The following PTPRT variants were observed in gnomAD, a reference collection of about 807,000 sequenced individuals.
PTPRT encodes receptor-type tyrosine-protein phosphatase T.
PTPRT carries 56 observed loss-of-function variants against 176.8 expected under a neutral mutation model. The ratio of observed to expected loss-of-function variants is 0.32; its 90% CI spans 0.26 to 0.40. PTPRT has a LOEUF of 0.40. Ranked by LOEUF, PTPRT falls within the 10% of genes least tolerant of loss-of-function variation. The pLI, the probability that PTPRT is intolerant of heterozygous loss-of-function variation, is 1.00. For synonymous variants in PTPRT, 783 were observed against 739.0 expected (o/e 1.06, Z -0.96); for missense variants, 1,540 against 1,908.2 (o/e 0.81, Z 3.60).
chr20:42,291,446 T>C (rs139739989), intron 12 of PTPRT, among the ~76,000 whole-genome samples: 5 of 152,140 alleles, frequency 3.3e-5, no homozygotes, highest in African/African-American at 1.2e-4. Flanking sequence ...ATGTATTTAC[T>C]TGGTGAAAAA....
chr20:43,025,349 A>C (rs905020784), intron 1 of PTPRT, among the ~76,000 whole-genome samples: 4 of 152,258 alleles, frequency 2.6e-5, no homozygotes, highest in African/African-American at 9.6e-5. Flanking sequence ...AAGTTCAGTA[A>C]GTCAGGGAAA....
intron 9 of PTPRT, among the ~76,000 whole-genome samples, chr20:42,361,616 A>C (rs1341891591): frequency 1.3e-5 from 2 of 152,284 alleles, no homozygotes; most frequent in Admixed American, 1.3e-4. Flanking sequence ...CGCAGGGTGC[A>C]TGACAGTCCC....
chr20:42,252,948 G>T (rs1229791710), intron 13 of PTPRT, among the ~76,000 whole-genome samples: 1 of 152,202 alleles, frequency 6.6e-6, no homozygotes, highest in African/African-American at 2.4e-5. Flanking sequence ...AACATTCCCT[G>T]GGACAGGGAA....
chr20:42,451,314 T>C (rs1417009626), intron 8 of PTPRT, among the ~76,000 whole-genome samples: 2 of 152,104 alleles, frequency 1.3e-5, no homozygotes, highest in African/African-American at 4.8e-5. Context: ...ATGTTGTTTA[T>C]AGAGAGGGAG....
chr20:42,395,837 G>C (rs1170239040), intron 9 of PTPRT, among the ~76,000 whole-genome samples: 1 of 151,856 alleles, frequency 6.6e-6, no homozygotes, highest in African/African-American at 2.4e-5. Context: ...TACTTCATTG[G>C]CTGATACTTC....
Position 42,906,900 on chromosome 20 carries a change from AT to A in PTPRT, c.89-20969del, listed in dbSNP as rs529384238. 1.8e-4 allele frequency among the ~76,000 whole-genome samples: 28 copies of A among 152,318 alleles called. No homozygotes were observed. In the South Asian group the frequency reaches 4.6e-3, roughly 25 times the overall value. On this transcript the variant is annotated intron_variant, in intron 1 of 30. Coordinates refer to ENST00000373187, the MANE Select transcript of PTPRT (RefSeq NM_007050.6). The stretch of plus-strand genomic sequence containing the variant: ...AAATGTGAAACCTCATCTGCCTGGA[AT>A]TAACTAGATAAACCATGTGTTTCCT...
chr20:42,582,880 C>T (rs902534550), intron 7 of PTPRT, among the ~76,000 whole-genome samples: 5 of 152,238 alleles, frequency 3.3e-5, no homozygotes, highest in East Asian at 1.9e-4. Flanking sequence ...CCTACTGATT[C>T]GTTCATTTCG....
intron 1 of PTPRT, among the ~76,000 whole-genome samples, chr20:42,926,007 G>A (rs1979458106): frequency 6.6e-6 from 1 of 152,174 alleles, no homozygotes; most frequent in Non-Finnish European, 1.5e-5. Flanking sequence ...TCTAAGAGGG[G>A]CTAGACCCTG....
chr20:42,382,353 G>A (rs1017442392), intron 9 of PTPRT, among the ~76,000 whole-genome samples: 2 of 152,166 alleles, frequency 1.3e-5, no homozygotes, highest in Non-Finnish European at 2.9e-5. Context: ...TCTTTCCCTG[G>A]ACTAGAGCCA....
In PTPRT at chr20:42,124,554, A is replaced by G. The variant is rs140634251; in HGVS notation, c.2847+4200T>C. ...TGGCCCCATTCAGCTCATTGTCCCAATGGAGTTATTTTAATGAATCGTCAA... is the reference window on the plus strand; with the variant it reads ...TGGCCCCATTCAGCTCATTGTCCCAGTGGAGTTATTTTAATGAATCGTCAA... On this transcript the variant is annotated intron_variant, in intron 19 of 30. Transcript: ENST00000373187. Among the ~76,000 whole-genome samples, 527 of 152,300 alleles carry G rather than the reference A, an allele frequency of 3.5e-3. 1 individual carries two copies. Among genetic ancestry groups the G allele is most frequent in the Middle Eastern group, 0.014 (4 of 294 alleles).
chr20:42,121,828 T>C (rs921224345), intron 19 of PTPRT, among the ~76,000 whole-genome samples: 1 of 151,702 alleles, frequency 6.6e-6, no homozygotes, highest in African/African-American at 2.4e-5. Flanking sequence ...TACTAAGCCA[T>C]AAAAAATAAT....
intron 7 of PTPRT, among the ~76,000 whole-genome samples, chr20:42,565,874 C>T (rs1187482762): frequency 6.6e-6 from 1 of 152,028 alleles, no homozygotes; most frequent in Non-Finnish European, 1.5e-5. Context: ...ACTTGCCCTT[C>T]CTCCCTGCTT....
At chr20:42,627,982 A>G (rs963876394) in intron 7 of PTPRT, among the ~76,000 whole-genome samples, 14 of 152,136 alleles carry the variant, frequency 9.2e-5, no homozygotes, top group Non-Finnish European at 1.9e-4. Context: ...TCCATCCGTA[A>G]TGCCTGCTGG....
At chr20:43,086,772 TTAC>T (rs2011616908) in intron 1 of PTPRT, among the ~76,000 whole-genome samples, 1 of 152,212 alleles carries the variant, frequency 6.6e-6, no homozygotes, top group African/African-American at 2.4e-5. Flanking sequence ...GGCTTAGAGC[TTAC>T]TAATCCTACT....
intron 7 of PTPRT, among the ~76,000 whole-genome samples, chr20:42,635,051 T>C (rs1311446361): frequency 6.6e-6 from 1 of 152,132 alleles, no homozygotes; most frequent in African/African-American, 2.4e-5. Context: ...CAATTACCTT[T>C]AATCTTGCTT....
chr20:42,486,183 C>T (rs372282189), intron 7 of PTPRT, among the ~76,000 whole-genome samples: 2 of 152,212 alleles, frequency 1.3e-5, no homozygotes, highest in Non-Finnish European at 2.9e-5. Context: ...TGACACTTGG[C>T]CATGACATTG....
intron 7 of PTPRT, among the ~76,000 whole-genome samples, chr20:42,510,973 G>C (rs1022729385): frequency 6.6e-6 from 1 of 152,106 alleles, no homozygotes; most frequent in Non-Finnish European, 1.5e-5. Flanking sequence ...TGACGGCTCT[G>C]CCCTGATGAA....
intron 2 of PTPRT, among the ~76,000 whole-genome samples, chr20:42,864,345 GA>G (rs555484684): frequency 4.1e-4 from 63 of 152,302 alleles, no homozygotes; most frequent in Middle Eastern, 3.4e-3. Context: ...GAGGAGGGGA[GA>G]GGGGAGAGAG....
chr20:42,627,571 C>T (rs1276394216), intron 7 of PTPRT, among the ~76,000 whole-genome samples: 1 of 152,082 alleles, frequency 6.6e-6, no homozygotes, highest in Non-Finnish European at 1.5e-5. Context: ...CATGCCTGGC[C>T]CCATGTCCTG....
Sources: allele counts gnomAD v4.1 joint callset (sites outside exome capture counted in the v4.1 genomes callset), GRCh38; gene constraint gnomAD v4.1.1; transcripts MANE v1.5; gene names NCBI Gene and HGNC (gene_info 2026-07-23, HGNC 2026-07-21).